The following CACNA2D3 variants were observed in gnomAD, a reference collection of about 807,000 sequenced individuals.
CACNA2D3 encodes calcium voltage-gated channel auxiliary subunit alpha2delta 3, also known as voltage-dependent calcium channel subunit alpha-2/delta-3.
A neutral mutation model predicts 160.6 loss-of-function variants in CACNA2D3; 60 were observed. The ratio of observed to expected loss-of-function variants is 0.37; its 90% CI spans 0.30 to 0.46. The LOEUF is 0.46. Among genes scored for constraint, CACNA2D3 ranks in the 20% least tolerant of loss-of-function variants. The probability of loss-of-function intolerance (pLI) is 1.00; values close to 1 mark genes in which losing one functional copy is unlikely to be tolerated. For synonymous variants in CACNA2D3, 558 were observed against 492.9 expected, an observed-to-expected ratio of 1.13 and a Z score of -1.75; for missense variants, 1,205 against 1,365.0, an observed-to-expected ratio of 0.88 and a Z score of 1.85.
At chr3:54,995,728 G>A (rs963375198) in intron 31 of CACNA2D3, among the ~76,000 whole-genome samples, 1 of 152,202 alleles carries the variant, frequency 6.6e-6, no homozygotes, top group Admixed American at 6.5e-5. Context: ...CCTGGGAAAT[G>A]TGCATATTAA....
intron 3 of CACNA2D3, among the ~76,000 whole-genome samples, chr3:54,342,800 G>A (rs1451563275): frequency 1.3e-5 from 2 of 152,216 alleles, no homozygotes; most frequent in Non-Finnish European, 1.5e-5. Flanking sequence ...ACTTGCAGAG[G>A]TGGCGAGATG....
chr3:54,315,781 A>T lies in CACNA2D3; in HGVS notation c.205-4661A>T, dbSNP rs544325339. Among the ~76,000 whole-genome samples, 3 of 152,270 alleles carry T rather than the reference A, an allele frequency of 2.0e-5. No homozygotes were observed. The South Asian group carries it at 6.2e-4, about 32-fold the overall frequency. ...CTTCTGGCACCATCCTGGGCCTGTG[A>T]TACACACAGGACTCATTTTACTGAC... On this transcript the variant is annotated intron_variant, in intron 2 of 37. Transcript: ENST00000474759.
At chr3:54,182,479 A>G (rs558530215) in intron 2 of CACNA2D3, among the ~76,000 whole-genome samples, 3 of 152,164 alleles carry the variant, frequency 2.0e-5, no homozygotes, top group Non-Finnish European at 4.4e-5. Flanking sequence ...ATTCCTTCCT[A>G]TTGGGCAGAT....
At chr3:54,724,769 C>A (rs1324447621) in intron 11 of CACNA2D3, among the ~76,000 whole-genome samples, 2 of 152,108 alleles carry the variant, frequency 1.3e-5, no homozygotes, top group African/African-American at 4.8e-5. Context: ...ACATTTAAAG[C>A]AGTGTGTAGA....
At chr3:54,821,861 T>G (rs1370343855) in intron 14 of CACNA2D3, among the ~76,000 whole-genome samples, 1 of 152,064 alleles carries the variant, frequency 6.6e-6, no homozygotes, top group Non-Finnish European at 1.5e-5. Flanking sequence ...TTTGCCTCAT[T>G]TAACTTCTAT....
At chr3:55,073,977 A>C (rs1431213410) in intron 37 of CACNA2D3, 118 bp downstream of exon 37, 4 of 1,088,454 alleles carry the variant, frequency 3.7e-6, no homozygotes, top group Non-Finnish European at 5.6e-6. Flanking sequence ...CCTTTCATTC[A>C]GTAAACTGAA....
chr3:54,406,947 T>A (rs557357358), intron 4 of CACNA2D3, among the ~76,000 whole-genome samples: 3 of 152,126 alleles, frequency 2.0e-5, no homozygotes, highest in Non-Finnish European at 4.4e-5. Context: ...ATTTATTTTT[T>A]AAAAAAGGAC....
At chr3:54,949,819 C>T (rs1466968464) in intron 27 of CACNA2D3, among the ~76,000 whole-genome samples, 1 of 152,130 alleles carries the variant, frequency 6.6e-6, no homozygotes, top group Non-Finnish European at 1.5e-5. Context: ...GCCTGTGATT[C>T]TTTCTGAAAA....
chr3:54,783,006 G>C (rs1702563764), intron 13 of CACNA2D3, among the ~76,000 whole-genome samples: 1 of 152,098 alleles, frequency 6.6e-6, no homozygotes, highest in Non-Finnish European at 1.5e-5. Flanking sequence ...CCATTTACTT[G>C]ATGAGGAAGC....
At chr3:54,347,431 G>T (rs527506903) in intron 3 of CACNA2D3, among the ~76,000 whole-genome samples, 1 of 152,304 alleles carries the variant, frequency 6.6e-6, no homozygotes, top group East Asian at 1.9e-4. Context: ...CTGAAGTGGG[G>T]ATCTTTACTC....
At chr3:54,427,378 G>A (rs1334139195) in intron 4 of CACNA2D3, among the ~76,000 whole-genome samples, 2 of 152,056 alleles carry the variant, frequency 1.3e-5, no homozygotes, top group African/African-American at 2.4e-5. Context: ...AAGATGTGCC[G>A]GGAGGGCCTC....
chr3:54,496,106 C>T lies in CACNA2D3; in HGVS notation c.382-7386C>T, dbSNP rs140304391. Among the ~76,000 whole-genome samples the T allele has an allele frequency of 8.1e-4, 123 of 152,196 alleles. 2 individuals carry two copies. The highest frequency in any genetic ancestry group is 2.1e-3 in the African/African-American group (87 of 41,522). On this transcript the variant is annotated intron_variant, in intron 4 of 37. Transcript: ENST00000474759. ...TTGGGGCTATTATGAATGGGGTTTC[C>T]GTGAATATTCACACAAATATTTTTG...
intron 35 of CACNA2D3, among the ~76,000 whole-genome samples, chr3:55,029,439 C>A (rs1477313961): frequency 6.6e-6 from 1 of 152,196 alleles, no homozygotes; most frequent in African/African-American, 2.4e-5. Flanking sequence ...AAATGGAAGA[C>A]ATTTTTATGG....
At chr3:54,672,249 G>T (rs1700175443) in intron 11 of CACNA2D3, among the ~76,000 whole-genome samples, 1 of 152,198 alleles carries the variant, frequency 6.6e-6, no homozygotes, top group Non-Finnish European at 1.5e-5. Flanking sequence ...ATTGGTTGGA[G>T]TTTCTTAATT....
chr3:54,996,916 A>G (rs939976909), intron 31 of CACNA2D3, among the ~76,000 whole-genome samples: 1 of 152,170 alleles, frequency 6.6e-6, no homozygotes. Context: ...GCAAACTAAC[A>G]CAAGAACAGA....
At chr3:54,697,273 C>T (rs1303311857) in intron 11 of CACNA2D3, among the ~76,000 whole-genome samples, 1 of 152,104 alleles carries the variant, frequency 6.6e-6, no homozygotes, top group Non-Finnish European at 1.5e-5. Context: ...GACCCCATCT[C>T]ACAAAAACAA....
intron 13 of CACNA2D3, among the ~76,000 whole-genome samples, chr3:54,802,681 G>T (rs560369735): frequency 5.1e-4 from 77 of 152,274 alleles, no homozygotes; most frequent in African/African-American, 1.8e-3. Context: ...AAATGTCCCT[G>T]TCTGACAGCT....
At chr3:54,568,708 A>G (rs1242709111) in intron 6 of CACNA2D3, among the ~76,000 whole-genome samples, 1 of 152,148 alleles carries the variant, frequency 6.6e-6, no homozygotes, top group African/African-American at 2.4e-5. Flanking sequence ...TTATACTAAC[A>G]TTTTCTGATT....
chr3:54,632,362 C>G (rs1330779268), intron 10 of CACNA2D3: 1 of 152,130 alleles, frequency 6.6e-6, no homozygotes, highest in Non-Finnish European at 1.5e-5. Context: ...AACAATGGCC[C>G]TAGAGTATTC....
Sources: gnomAD v4.1 joint callset for allele counts (sites outside exome capture counted in the v4.1 genomes callset) on GRCh38, gnomAD v4.1.1 for gene constraint, MANE v1.5 for transcripts, NCBI Gene and HGNC (gene_info 2026-07-23, HGNC 2026-07-21) for gene names.